The following NRXN3 variants were observed in gnomAD, a reference collection of about 807,000 sequenced individuals.
NRXN3 encodes neurexin 3.
NRXN3 carries 32 observed loss-of-function variants against 137.6 expected under a neutral mutation model. The observed-to-expected ratio is 0.23, with a 90% CI of 0.18 to 0.31. The LOEUF is 0.31. Ranked by LOEUF, NRXN3 falls within the 10% of genes least tolerant of loss-of-function variation. The pLI is 1.00. For missense variants in NRXN3, 1,574 were observed against 2,062.5 expected (o/e 0.76, Z 4.59); for synonymous variants, 798 against 784.5 (o/e 1.02, Z -0.29).
chr14:79,715,063 C>T (rs1419653735), intron 19 of NRXN3, among the ~76,000 whole-genome samples: 1 of 152,182 alleles, frequency 6.6e-6, no homozygotes, highest in Non-Finnish European at 1.5e-5. Context: ...ACGCCATTCT[C>T]CTGCCTCAGC....
chr14:79,293,529 T>G (rs945723041), intron 15 of NRXN3, among the ~76,000 whole-genome samples: 1 of 152,236 alleles, frequency 6.6e-6, no homozygotes, highest in Non-Finnish European at 1.5e-5. Flanking sequence ...AGCTTCGCTG[T>G]TTAGTCTCTT....
At chr14:78,972,526 A>G (rs1187094283) in intron 14 of NRXN3, among the ~76,000 whole-genome samples, 3 of 152,292 alleles carry the variant, frequency 2.0e-5, no homozygotes, top group Non-Finnish European at 4.4e-5. Context: ...GATTGCACAC[A>G]CGTGTCTTTC....
intron 4 of NRXN3, among the ~76,000 whole-genome samples, chr14:78,329,658 GC>G (rs1240896033): frequency 1.3e-5 from 2 of 152,102 alleles, no homozygotes; most frequent in Non-Finnish European, 2.9e-5. Flanking sequence ...TGTGCATTAG[GC>G]CAAAAAGAAG....
chr14:79,479,472 A>G (rs2096587973), intron 16 of NRXN3, among the ~76,000 whole-genome samples: 1 of 152,018 alleles, frequency 6.6e-6, no homozygotes, highest in African/African-American at 2.4e-5. Context: ...GTTTGTTTTC[A>G]GTGTCATAGA....
Position 78,814,490 on chromosome 14 carries a change from C to T in NRXN3, c.2275+4146C>T, listed in dbSNP as rs2098925327. 2.0e-5 allele frequency among the ~76,000 whole-genome samples: 3 copies of T among 152,176 alleles called. No individual in the cohort carries two copies. The South Asian group carries it at 6.2e-4, about 32-fold the overall frequency. On this transcript the variant is annotated intron_variant, in intron 10 of 20. Transcript: ENST00000335750. Reference sequence around the variant, plus strand: ...ATTAGCCGGGTGTGGTGGTGTGCACCTGTAGTCCCAGCTACTCGGGAGGCT... The same window carrying T: ...ATTAGCCGGGTGTGGTGGTGTGCACTTGTAGTCCCAGCTACTCGGGAGGCT...
chr14:79,016,145 C>G (rs1326038926), intron 15 of NRXN3, among the ~76,000 whole-genome samples: 1 of 152,036 alleles, frequency 6.6e-6, no homozygotes, highest in Non-Finnish European at 1.5e-5. Context: ...AGTGGCAGGA[C>G]CTGACATAAG....
rs191819217 is a variant in NRXN3, at chr14:78,390,365, A to G, written c.757+92505A>G. Among the ~76,000 whole-genome samples the G allele has an allele frequency of 2.6e-5, 4 of 152,334 alleles. No individual in the cohort carries two copies. In the East Asian group the frequency reaches 7.7e-4, roughly 29 times the overall value. Reference sequence around the variant, plus strand: ...TGAGTAGTTGTGTTAAAGACTGTATAGACCACAAAGCCTAATCTGCTTTGC... The same window carrying G: ...TGAGTAGTTGTGTTAAAGACTGTATGGACCACAAAGCCTAATCTGCTTTGC... On this transcript the variant is annotated intron_variant, in intron 4 of 20. Coordinates refer to ENST00000335750, the MANE Select transcript of NRXN3 (RefSeq NM_001330195.2).
At chr14:78,728,213 C>T (rs2098496170) in intron 8 of NRXN3, among the ~76,000 whole-genome samples, 1 of 152,228 alleles carries the variant, frequency 6.6e-6, no homozygotes, top group African/African-American at 2.4e-5. Context: ...AAGATTTCTT[C>T]ACAAGCTCAG....
rs542251721 is a variant in NRXN3, at chr14:78,625,251, C to T, written c.758-19869C>T. ...TTGTACTGGAATCTTATGAGAAACA[C>T]GAGGGATTATTCTTTTTGCTTTTAA... On this transcript the variant is annotated intron_variant, in intron 4 of 20. Transcript: ENST00000335750. Among the ~76,000 whole-genome samples the T allele has an allele frequency of 1.2e-3, 177 of 152,212 alleles. 1 individual carries two copies. Among genetic ancestry groups the T allele is most frequent in the Non-Finnish European group, 1.6e-3 (112 of 68,016 alleles).
intron 18 of NRXN3, among the ~76,000 whole-genome samples, chr14:79,695,859 T>C (rs1257625696): frequency 6.6e-6 from 1 of 152,010 alleles, no homozygotes; most frequent in Non-Finnish European, 1.5e-5. Context: ...CCTTGGGATC[T>C]GGGTAATTCT....
chr14:78,272,040 G>T (rs940889835), intron 2 of NRXN3, among the ~76,000 whole-genome samples: 7 of 152,284 alleles, frequency 4.6e-5, no homozygotes, highest in African/African-American at 1.4e-4. Flanking sequence ...CATCTTTCCT[G>T]GGGGCAGGAG....
chr14:78,460,800 T>C (rs187195917), intron 4 of NRXN3, among the ~76,000 whole-genome samples: 2 of 109,244 alleles, frequency 1.8e-5, no homozygotes, highest in African/African-American at 5.5e-5. Context: ...CGGTGGTCTA[T>C]GATATTGGGA....
intron 4 of NRXN3, among the ~76,000 whole-genome samples, chr14:78,317,018 C>T (rs977892611): frequency 6.6e-6 from 1 of 152,110 alleles, no homozygotes; most frequent in Non-Finnish European, 1.5e-5. Flanking sequence ...GGAACTGGCT[C>T]ACGTGATTAG....
chr14:78,856,195 T>C (rs1338107301), intron 10 of NRXN3, among the ~76,000 whole-genome samples: 3 of 152,206 alleles, frequency 2.0e-5, no homozygotes, highest in African/African-American at 7.2e-5. Context: ...ATTTTTCCCC[T>C]TTGGAAACTG....
chr14:79,545,689 T>A (rs1601904515), intron 16 of NRXN3, among the ~76,000 whole-genome samples: 1 of 151,984 alleles, frequency 6.6e-6, no homozygotes, highest in Non-Finnish European at 1.5e-5. Context: ...GTTGTTGTTG[T>A]TTTTTCACCA....
At chr14:79,838,383 T>C (rs1417271895) in intron 20 of NRXN3, among the ~76,000 whole-genome samples, 2 of 152,168 alleles carry the variant, frequency 1.3e-5, no homozygotes, top group African/African-American at 4.8e-5. Flanking sequence ...TGTAAGTGGG[T>C]TCCAGGGTTT....
chr14:79,723,496 A>T (rs538745513), intron 19 of NRXN3, among the ~76,000 whole-genome samples: 10 of 152,260 alleles, frequency 6.6e-5, no homozygotes, highest in Admixed American at 4.6e-4. Flanking sequence ...GTTAAGATTC[A>T]TGAAATTCGA....
intron 4 of NRXN3, among the ~76,000 whole-genome samples, chr14:78,502,890 A>T (rs12586911): frequency 0.42 from 63,404 of 152,052 alleles, 13,403 homozygotes; most frequent in East Asian, 0.51. Flanking sequence ...TCTCTCTCCC[A>T]TGGCCTGGTG....
intron 4 of NRXN3, among the ~76,000 whole-genome samples, chr14:78,534,935 T>C (rs987588055): frequency 1.3e-5 from 2 of 152,184 alleles, no homozygotes; most frequent in African/African-American, 4.8e-5. Flanking sequence ...ACTTTTAAAA[T>C]TGGTGTATTT....
Sources: allele counts gnomAD v4.1 joint callset (sites outside exome capture counted in the v4.1 genomes callset), GRCh38; gene constraint gnomAD v4.1.1; transcripts MANE v1.5; gene names NCBI Gene and HGNC (gene_info 2026-07-23, HGNC 2026-07-21).